TMEM132B: variants seen among roughly 807,000 people sequenced by gnomAD.
The protein encoded by TMEM132B is transmembrane protein 132B.
Under a neutral mutation model 90.8 loss-of-function variants are expected in TMEM132B, and 18 were observed. The ratio of observed to expected loss-of-function variants is 0.20; its 90% CI spans 0.14 to 0.29. The LOEUF is 0.29. Ranked by LOEUF, TMEM132B falls within the 10% of genes least tolerant of loss-of-function variation. The probability of loss-of-function intolerance (pLI) is 1.00; values close to 1 mark genes in which losing one functional copy is unlikely to be tolerated. For missense variants in TMEM132B, 1,096 were observed against 1,326.8 expected, an observed-to-expected ratio of 0.83 and a Z score of 2.70; for synonymous variants, 504 against 523.3, an observed-to-expected ratio of 0.96 and a Z score of 0.50.
intron 6 of TMEM132B, among the ~76,000 whole-genome samples, chr12:125,648,617 T>A (rs1468984568): frequency 1.3e-5 from 2 of 151,752 alleles, no homozygotes. Context: ...AATAAATGAA[T>A]AGGATACAAT....
chr12:125,473,430 T>C (rs1881773952), intron 3 of TMEM132B, among the ~76,000 whole-genome samples: 1 of 152,230 alleles, frequency 6.6e-6, no homozygotes, highest in African/African-American at 2.4e-5. Context: ...GTTAGCTCCA[T>C]GAAGGTAGAT....
At position 125,620,973 on chromosome 12, in the gene TMEM132B, C is replaced by G. The variant is rs576894919; in HGVS notation, c.1438-23103C>G. Reference sequence around the variant, plus strand: ...GGGGACACAGCCAAACCATATCACACAGACAACTGAACTTTGGGAGACTTG... The same window carrying G: ...GGGGACACAGCCAAACCATATCACAGAGACAACTGAACTTTGGGAGACTTG... On this transcript the variant is annotated intron_variant, in intron 5 of 8. Coordinates refer to ENST00000682704, the MANE Select transcript of TMEM132B (RefSeq NM_001366854.1). 9.0e-4 allele frequency among the ~76,000 whole-genome samples: 137 copies of G among 152,280 alleles called. 2 individuals are homozygous for G. The South Asian group carries it at 0.02, about 22-fold the overall frequency.
chr12:125,339,306 T>C (rs1407641077), intron 1 of TMEM132B, among the ~76,000 whole-genome samples: 1 of 152,008 alleles, frequency 6.6e-6, no homozygotes, highest in African/African-American at 2.4e-5. Flanking sequence ...TTTGTTTTCT[T>C]CTGAGGCCTC....
chr12:125,277,855 G>C lies in TMEM132B; in HGVS notation c.68-71597G>C, dbSNP rs1168920626. Among the ~76,000 whole-genome samples the C allele has an allele frequency of 2.6e-5, 4 of 152,206 alleles. No individual in the cohort carries two copies. The highest frequency in any genetic ancestry group is 4.8e-5 in the African/African-American group (2 of 41,448). On this transcript the variant is annotated intron_variant, in intron 1 of 8. Coordinates refer to ENST00000682704, the MANE Select transcript of TMEM132B (RefSeq NM_001366854.1). The surrounding 1 kb of genome is among the most constrained non-coding windows in gnomAD (Gnocchi z 4.3). ...TTAAAAACAGAAATTTTATGTAAAA[G>C]CCTGGATTTTTGGCATCTCTAGAAA...
intron 4 of TMEM132B, among the ~76,000 whole-genome samples, chr12:125,531,792 C>T (rs2136697904): frequency 6.6e-6 from 1 of 152,346 alleles, no homozygotes. Context: ...GAATGCCTGT[C>T]CACTGGGTGC....
At chr12:125,326,847 C>A (rs1189616416) in intron 1 of TMEM132B, among the ~76,000 whole-genome samples, 1 of 152,156 alleles carries the variant, frequency 6.6e-6, no homozygotes, top group African/African-American at 2.4e-5. Context: ...GTGCTTCTTG[C>A]CACCTTGTTA....
At chr12:125,229,986 C>T (rs912018248) in intron 1 of TMEM132B, among the ~76,000 whole-genome samples, 2 of 152,242 alleles carry the variant, frequency 1.3e-5, no homozygotes, top group Non-Finnish European at 2.9e-5. Context: ...GGGGCAGGAG[C>T]AGCCTTAGGT....
At chr12:125,337,315 A>G (rs905491505) in intron 1 of TMEM132B, among the ~76,000 whole-genome samples, 4 of 152,040 alleles carry the variant, frequency 2.6e-5, no homozygotes, top group Non-Finnish European at 2.9e-5. Flanking sequence ...TAACACAATA[A>G]AAGATTGCTT....
chr12:125,605,276 A>G (rs1156369841), intron 5 of TMEM132B, among the ~76,000 whole-genome samples: 1 of 152,132 alleles, frequency 6.6e-6, no homozygotes, highest in Non-Finnish European at 1.5e-5. Flanking sequence ...GTGGTTAGCA[A>G]TCATCTTTAT....
chr12:125,215,156 G>A (rs993128896), intron 1 of TMEM132B, among the ~76,000 whole-genome samples: 3 of 152,108 alleles, frequency 2.0e-5, no homozygotes, highest in African/African-American at 7.2e-5. Flanking sequence ...CTCTTCCTTC[G>A]AACCATCATT....
chr12:125,644,219 G>T lies in TMEM132B; in HGVS notation c.1581G>T (p.Glu527Asp), dbSNP rs1467345976. The part of the protein sequence containing the change: ...VWAPRLPLQI[E>D]ISDTELSQIK... Reference sequence around the variant, plus strand: ...CACCCAGGCTCCCCCTGCAGATTGAGATCTCAGACACCGAGCTGAGCCAGA... The same window carrying T: ...CACCCAGGCTCCCCCTGCAGATTGATATCTCAGACACCGAGCTGAGCCAGA... The change falls in exon 6 of 9, where the codon GAG (glutamate) becomes GAT (aspartate). Residue 527 changes from glutamate to aspartate, a missense_variant. Transcript: ENST00000682704. 1.6e-5 allele frequency: 26 copies of T among 1,614,100 alleles called. No individual in the cohort carries two copies. The highest frequency in any genetic ancestry group is 1.9e-5 in the Non-Finnish European group (23 of 1,180,052).
At chr12:125,254,258 G>A (rs1178808760) in intron 1 of TMEM132B, among the ~76,000 whole-genome samples, 1 of 151,988 alleles carries the variant, frequency 6.6e-6, no homozygotes, top group East Asian at 1.9e-4. Context: ...TCCAGCCTGG[G>A]TCACAGAGTG....
At chr12:125,260,817 G>A (rs994784234) in intron 1 of TMEM132B, among the ~76,000 whole-genome samples, 1 of 152,298 alleles carries the variant, frequency 6.6e-6, no homozygotes, top group East Asian at 1.9e-4. Context: ...TTAGGAGGGC[G>A]ACGTTGGAAG....
At chr12:125,481,840 T>G (rs1199721609) in intron 3 of TMEM132B, among the ~76,000 whole-genome samples, 1 of 152,148 alleles carries the variant, frequency 6.6e-6, no homozygotes, top group Non-Finnish European at 1.5e-5. Flanking sequence ...TCGCACTACC[T>G]GACTTCAAAC....
At chr12:125,389,528 G>A (rs1878948115) in intron 2 of TMEM132B, among the ~76,000 whole-genome samples, 1 of 152,030 alleles carries the variant, frequency 6.6e-6, no homozygotes, top group African/African-American at 2.4e-5. Context: ...GTGTGATCTT[G>A]GGAAAATTAC....
chr12:125,512,930 C>T (rs1883018965), intron 3 of TMEM132B, among the ~76,000 whole-genome samples: 1 of 152,234 alleles, frequency 6.6e-6, no homozygotes, highest in African/African-American at 2.4e-5. Context: ...GGAATGTGCC[C>T]TCTCCTCTCC....
intron 3 of TMEM132B, among the ~76,000 whole-genome samples, chr12:125,483,688 CAATG>C (rs1882120840): frequency 6.6e-6 from 1 of 152,058 alleles, no homozygotes; most frequent in Non-Finnish European, 1.5e-5. Context: ...TCCAGAGATT[CAATG>C]AATGAATGGG....
intron 1 of TMEM132B, among the ~76,000 whole-genome samples, chr12:125,240,147 C>T (rs1048300417): frequency 1.3e-5 from 2 of 152,172 alleles, no homozygotes; most frequent in Non-Finnish European, 2.9e-5. Flanking sequence ...AAGGACTTTG[C>T]CCCTGGGAAA....
chr12:125,362,594 C>T (rs1228092580), intron 2 of TMEM132B, among the ~76,000 whole-genome samples: 9 of 152,156 alleles, frequency 5.9e-5, no homozygotes, highest in Non-Finnish European at 1.3e-4. Flanking sequence ...AAACTACACT[C>T]ACCACATAGC....
Sources: gnomAD v4.1 joint callset for allele counts (sites outside exome capture counted in the v4.1 genomes callset) on GRCh38, gnomAD v4.1.1 for gene constraint, Gnocchi (gnomAD v3.1) non-coding constraint, MANE v1.5 for transcripts, NCBI Gene and HGNC (gene_info 2026-07-23, HGNC 2026-07-21) for gene names.